Variants in GALNT16 observed in about 807,000 individuals in gnomAD.
The protein encoded by GALNT16 is polypeptide N-acetylgalactosaminyltransferase 16.
In GALNT16, 40 loss-of-function variants were observed where a neutral mutation model predicts 76.1. That is an observed-to-expected ratio of 0.53 (90% CI 0.41 to 0.68). The LOEUF (loss-of-function observed/expected upper bound fraction) is 0.68, where lower values mean the gene tolerates loss of function less well. Among genes scored for constraint, GALNT16 ranks in the 30% least tolerant of loss-of-function variants. GALNT16 has a pLI of 0.00. For synonymous variants in GALNT16, 276 were observed against 285.2 expected (o/e 0.97, Z 0.32); for missense variants, 621 against 731.9 (o/e 0.85, Z 1.75).
chr14:69,270,622 G>A (rs1169713832), intron 1 of GALNT16, among the ~76,000 whole-genome samples: 1 of 152,204 alleles, frequency 6.6e-6, no homozygotes, highest in African/African-American at 2.4e-5. Context: ...ACAGCCCACT[G>A]GGGCAACCCG....
chr14:69,369,508 T>C, the GALNT16 span, among the ~76,000 whole-genome samples: 1 of 151,590 alleles, frequency 6.6e-6, no homozygotes, highest in Non-Finnish European at 1.5e-5. Context: ...TGAGGAGGGG[T>C]GGTGAGCTCC....
chr14:69,351,438 C>T (rs2045635307), intron 14 of GALNT16: 1 of 152,228 alleles, frequency 6.6e-6, no homozygotes, highest in Non-Finnish European at 1.5e-5. Context: ...ACGTGGCAAC[C>T]AAGCTAAATT....
At chr14:69,345,562 G>A (rs1275689) in intron 12 of GALNT16, among the ~76,000 whole-genome samples, 85,406 of 151,842 alleles carry the variant, frequency 0.56, 24,144 homozygotes, top group African/African-American at 0.59. Flanking sequence ...AGGCACACAC[G>A]CTGTAATCCC....
chr14:69,364,528 C>T, the GALNT16 span, among the ~76,000 whole-genome samples: 80 of 152,060 alleles, frequency 5.3e-4, no homozygotes, highest in Non-Finnish European at 8.7e-4. The surrounding 1 kb of genome is among the most constrained non-coding windows in gnomAD (Gnocchi z 4.2). Flanking sequence ...TTCATTTAAA[C>T]TGGCAGCAAA....
chr14:69,340,444 C>T (rs868487415), intron 11 of GALNT16, among the ~76,000 whole-genome samples: 24 of 151,998 alleles, frequency 1.6e-4, no homozygotes, highest in African/African-American at 5.6e-4. Context: ...ATGTGGTACT[C>T]GATGCGTGGC....
At chr14:69,351,473 C>CT (rs2045635819) in intron 14 of GALNT16, 1 of 152,278 alleles carries the variant, frequency 6.6e-6, no homozygotes, top group Admixed American at 6.5e-5. Context: ...GGGACTTCTG[C>CT]TTTGCCTCCT....
intron 2 of GALNT16, among the ~76,000 whole-genome samples, chr14:69,321,179 G>T (rs956030938): frequency 3.3e-5 from 5 of 152,188 alleles, no homozygotes; most frequent in Admixed American, 6.5e-5. Flanking sequence ...GGCGCTCTTG[G>T]GGCCTTACTG....
the GALNT16 span, among the ~76,000 whole-genome samples, chr14:69,382,244 T>A: frequency 1.3e-5 from 2 of 152,214 alleles, no homozygotes; most frequent in Non-Finnish European, 2.9e-5. Context: ...TGTACAAGAT[T>A]CCCATTTTTA....
chr14:69,381,604 C>A, the GALNT16 span, among the ~76,000 whole-genome samples: 1 of 152,006 alleles, frequency 6.6e-6, no homozygotes, highest in Non-Finnish European at 1.5e-5. Context: ...TACTGGGTGT[C>A]GCTTTAAATT....
chr14:69,278,914 G>A (rs1396107681), intron 1 of GALNT16, among the ~76,000 whole-genome samples: 1 of 151,598 alleles, frequency 6.6e-6, no homozygotes, highest in Non-Finnish European at 1.5e-5. Context: ...CACAGAGCCA[G>A]ATCCTGTCTT....
At position 69,260,226 on chromosome 14, in the gene GALNT16, GC is replaced by G; in HGVS notation, c.-60del. The G allele has an allele frequency of 8.3e-7, 1 of 1,209,640 alleles. No homozygotes were observed. Among genetic ancestry groups the G allele is most frequent in the Admixed American group, 1.9e-5 (1 of 52,836 alleles). 74.9% of individuals were successfully genotyped at this position (1,209,640 alleles called of 1,614,324 possible). On this transcript the variant is annotated 5_prime_UTR_variant, in exon 1 of 15. Coordinates refer to ENST00000448469, the MANE Select transcript of GALNT16 (RefSeq NM_001168368.2). ...AAAACAAACAGCTGGGGCTGCGAGCGCCCCCGCCCCGGCCCCGAGAGCACGC... is the reference window on the plus strand; with the variant it reads ...AAAACAAACAGCTGGGGCTGCGAGCGCCCCGCCCCGGCCCCGAGAGCACGC...
At chr14:69,338,397 T>C (rs12886714) in intron 9 of GALNT16, among the ~76,000 whole-genome samples, 1 of 152,264 alleles carries the variant, frequency 6.6e-6, no homozygotes, top group Non-Finnish European at 1.5e-5. Flanking sequence ...CTTCAAGCTT[T>C]TTCCACTGCT....
the GALNT16 span, among the ~76,000 whole-genome samples, chr14:69,366,765 T>C: frequency 2.0e-5 from 3 of 152,212 alleles, no homozygotes. Flanking sequence ...AACTAGCTAA[T>C]TGATTAATGA....
At chr14:69,374,364 T>C in the GALNT16 span, among the ~76,000 whole-genome samples, 1 of 152,262 alleles carries the variant, frequency 6.6e-6, no homozygotes, top group African/African-American at 2.4e-5. Context: ...CTATCCCTAC[T>C]GCCTAAGATC....
chr14:69,324,983 A>G (rs1236726095), intron 3 of GALNT16, among the ~76,000 whole-genome samples, 193 bp downstream of exon 3: 1 of 152,204 alleles, frequency 6.6e-6, no homozygotes, highest in East Asian at 1.9e-4. Context: ...GCGACAGTCA[A>G]ACACCAGGTC....
intron 1 of GALNT16, among the ~76,000 whole-genome samples, chr14:69,318,992 G>A (rs1156553299): frequency 6.6e-6 from 1 of 152,182 alleles, no homozygotes; most frequent in Non-Finnish European, 1.5e-5. Flanking sequence ...CGTCTTTCCT[G>A]AAATGGATTT....
At chr14:69,372,641 G>A in the GALNT16 span, among the ~76,000 whole-genome samples, 2 of 151,838 alleles carry the variant, frequency 1.3e-5, no homozygotes, top group Non-Finnish European at 2.9e-5. Context: ...GATTACAGGC[G>A]CATGCCACCA....
chr14:69,370,810 G>T, the GALNT16 span, among the ~76,000 whole-genome samples: 1 of 152,128 alleles, frequency 6.6e-6, no homozygotes, highest in Non-Finnish European at 1.5e-5. Flanking sequence ...ATCTTATACT[G>T]ATGGGCAAAG....
chr14:69,306,637 A>G (rs541062954), intron 1 of GALNT16, among the ~76,000 whole-genome samples: 1 of 152,212 alleles, frequency 6.6e-6, no homozygotes, highest in Non-Finnish European at 1.5e-5. Context: ...ATATTTGTCT[A>G]TAAGTTGAAT....
Sources: gnomAD v4.1 joint callset for allele counts (sites outside exome capture counted in the v4.1 genomes callset) on GRCh38, gnomAD v4.1.1 for gene constraint, Gnocchi (gnomAD v3.1) non-coding constraint, MANE v1.5 for transcripts, NCBI Gene and HGNC (gene_info 2026-07-23, HGNC 2026-07-21) for gene names.